TMEM245: variants seen among roughly 807,000 people sequenced by gnomAD.
TMEM245 encodes transmembrane protein 245.
A neutral mutation model predicts 101.2 loss-of-function variants in TMEM245; 69 were observed. The ratio of observed to expected loss-of-function variants is 0.68; its 90% CI spans 0.56 to 0.83. The LOEUF (loss-of-function observed/expected upper bound fraction) is 0.83. Ranked by LOEUF, TMEM245 falls within the 40% of genes least tolerant of loss-of-function variation. The pLI, the probability that TMEM245 is intolerant of heterozygous loss-of-function variation, is 0.00. For missense variants in TMEM245, 1,075 were observed against 1,092.8 expected (o/e 0.98, Z 0.23); for synonymous variants, 537 against 449.8 (o/e 1.19, Z -2.45).
intron 10 of TMEM245, among the ~76,000 whole-genome samples, chr9:109,061,437 G>A (rs924420589): frequency 6.6e-6 from 1 of 152,088 alleles, no homozygotes; most frequent in African/African-American, 2.4e-5. Flanking sequence ...AGACAATTTA[G>A]AATTTTTTCT....
chr9:109,109,294 C>T (rs1417151802), intron 1 of TMEM245, among the ~76,000 whole-genome samples: 4 of 152,058 alleles, frequency 2.6e-5, no homozygotes, highest in East Asian at 1.9e-4. Context: ...AAGAAACCAG[C>T]GTAGCCTACA....
chr9:109,073,207 C>G, intron 9 of TMEM245, 149 bp downstream of exon 9: 1 of 643,344 alleles, frequency 1.6e-6, no homozygotes, highest in South Asian at 1.8e-5. Context: ...ACATGACATT[C>G]TTCTTCAAAA....
At chr9:109,085,013 T>G (rs1213494143) in intron 7 of TMEM245, among the ~76,000 whole-genome samples, 2 of 152,236 alleles carry the variant, frequency 1.3e-5, no homozygotes, top group Non-Finnish European at 1.5e-5. Flanking sequence ...CCTGATATAA[T>G]ATTTCCACAA....
At chr9:109,058,313 C>A (rs1054255798) in intron 11 of TMEM245, among the ~76,000 whole-genome samples, 2 of 151,524 alleles carry the variant, frequency 1.3e-5, no homozygotes, top group Non-Finnish European at 2.9e-5. Flanking sequence ...CCTCATTTTT[C>A]TTTTTAATTT....
chr9:109,073,953 C>A (rs1032437261), intron 8 of TMEM245, among the ~76,000 whole-genome samples: 3 of 151,736 alleles, frequency 2.0e-5, no homozygotes, highest in African/African-American at 4.8e-5. Context: ...CTCCACCCCC[C>A]ACGTTCAAGC....
intron 10 of TMEM245, among the ~76,000 whole-genome samples, chr9:109,062,214 C>T (rs1829037821): frequency 6.6e-6 from 1 of 151,944 alleles, no homozygotes; most frequent in Non-Finnish European, 1.5e-5. Flanking sequence ...CTATGTTGCC[C>T]AAGCTGGTCT....
intron 6 of TMEM245, 92 bp downstream of exon 6, chr9:109,087,079 AAC>A (rs1829861290): frequency 9.1e-7 from 1 of 1,099,966 alleles, no homozygotes; most frequent in South Asian, 2.1e-5. Context: ...ATGTGTTATC[AAC>A]AGTTACAATA....
intron 12 of TMEM245, among the ~76,000 whole-genome samples, chr9:109,056,440 CAAAAAAAAAAAAAAAA>C (rs753175633): frequency 2.7e-5 from 1 of 36,768 alleles, no homozygotes; most frequent in Non-Finnish European, 5.3e-5. Flanking sequence ...ACTAAAAATG[CAAAAAAAAAAAAAAAA>C]AAAAAAAAAA....
chr9:109,049,593 G>A (rs146800256), intron 14 of TMEM245, among the ~76,000 whole-genome samples: 5,136 of 152,168 alleles, frequency 0.034, 118 homozygotes, highest in Admixed American at 0.046. Flanking sequence ...TTGGGAGGCC[G>A]AGGCAGGCAG....
intron 10 of TMEM245, among the ~76,000 whole-genome samples, chr9:109,062,731 G>T (rs944188928): frequency 2.6e-5 from 4 of 152,184 alleles, no homozygotes; most frequent in Admixed American, 1.3e-4. Context: ...AGCACTTTGG[G>T]AGGCCATGGT....
intron 4 of TMEM245, among the ~76,000 whole-genome samples, chr9:109,093,162 G>C (rs557381652): frequency 6.6e-6 from 1 of 152,004 alleles, no homozygotes; most frequent in Non-Finnish European, 1.5e-5. Flanking sequence ...GGTAAATGGA[G>C]ACGGAGAAAA....
intron 17 of TMEM245, among the ~76,000 whole-genome samples, chr9:109,032,559 G>A (rs895212906): frequency 6.8e-6 from 1 of 146,504 alleles, no homozygotes; most frequent in Non-Finnish European, 1.5e-5. Context: ...TAATTTTTGG[G>A]GTATTTTTAG....
At chr9:109,072,885 TGAG>T (rs1829376871) in intron 9 of TMEM245, among the ~76,000 whole-genome samples, 3 of 152,308 alleles carry the variant, frequency 2.0e-5, no homozygotes, top group Admixed American at 2.0e-4. Flanking sequence ...TATAGAAAGT[TGAG>T]GAGTTACAGT....
intron 17 of TMEM245, among the ~76,000 whole-genome samples, chr9:109,023,550 T>C (rs1178300820): frequency 6.6e-6 from 1 of 152,132 alleles, no homozygotes; most frequent in Non-Finnish European, 1.5e-5. Flanking sequence ...GAATAAGCAA[T>C]GTGGCCAGGC....
intron 6 of TMEM245, 33 bp from the exon 7 acceptor site, chr9:109,086,053 G>A (rs770086426): frequency 1.2e-6 from 2 of 1,609,586 alleles, no homozygotes; most frequent in South Asian, 2.2e-5. Context: ...AGAAAGAGAA[G>A]ATAAGAACAG....
chr9:109,069,410 T>G (rs139017135), intron 9 of TMEM245, among the ~76,000 whole-genome samples: 5 of 152,288 alleles, frequency 3.3e-5, no homozygotes, highest in African/African-American at 1.2e-4. Context: ...AGGTGGCTCC[T>G]TCCTAAAATC....
rs778881069 is a variant in TMEM245 at position 109,057,303 on chromosome 9, C to G, written c.1742G>C (p.Arg581Thr). The change falls in exon 12 of 18, where the codon AGG becomes ACG. Residue 581 changes from arginine (R) to threonine (T), a missense_variant. Transcript: ENST00000374586. Reference sequence around the variant, plus strand: ...GACATGCAACTTCTGTCCTTTGTGCCTTCCAGAGTGTGTTACATTCTATGG... The same window carrying G: ...GACATGCAACTTCTGTCCTTTGTGCGTTCCAGAGTGTGTTACATTCTATGG... ...WFVKNVTHSG[R>T]HKGQKLHVSR... 2 of 1,614,058 alleles carry G rather than the reference C, an allele frequency of 1.2e-6. No homozygotes were observed. Among genetic ancestry groups the G allele is most frequent in the African/African-American group, 2.7e-5 (2 of 75,044 alleles).
At position 109,064,423 on chromosome 9, in the gene TMEM245, C is replaced by A. The variant is rs1001880995; in HGVS notation, c.1623+54G>T. 6.6e-6 allele frequency: 10 copies of A among 1,504,370 alleles called. No individual in the cohort carries two copies. In the African/African-American group the frequency reaches 1.1e-4, roughly 17 times the overall value. The allele number at this position is 1,504,370 out of a possible 1,614,324, so 93.2% of individuals were successfully genotyped here. On this transcript the variant is annotated intron_variant, in intron 10 of 17. Coordinates refer to ENST00000374586, the MANE Select transcript of TMEM245 (RefSeq NM_032012.4). Reference sequence around the variant, plus strand: ...TATGTTTTATCAAAGCAACAAGCAACCACCAGTAAAGACCCTGAAAAGAGA... The same window carrying A: ...TATGTTTTATCAAAGCAACAAGCAAACACCAGTAAAGACCCTGAAAAGAGA...
intron 12 of TMEM245, among the ~76,000 whole-genome samples, chr9:109,055,822 C>T (rs980417307): frequency 1.4e-4 from 21 of 151,974 alleles, no homozygotes; most frequent in African/African-American, 3.9e-4. Flanking sequence ...TTAGTAGAGA[C>T]GGGGTTTCTC....
Sources: gnomAD v4.1 joint callset for allele counts (sites outside exome capture counted in the v4.1 genomes callset) on GRCh38, gnomAD v4.1.1 for gene constraint, MANE v1.5 for transcripts, NCBI Gene and HGNC (gene_info 2026-07-23, HGNC 2026-07-21) for gene names.